Variants in KCNQ5 observed in about 807,000 individuals in gnomAD.
KCNQ5 encodes potassium voltage-gated channel subfamily KQT member 5.
KCNQ5 carries 30 observed loss-of-function variants against 98.2 expected under a neutral mutation model. The observed-to-expected ratio is 0.31, with a 90% CI of 0.23 to 0.41. The LOEUF is 0.41. KCNQ5 is among the 10% of genes least tolerant of loss of function. The probability of loss-of-function intolerance (pLI) is 1.00; values close to 1 mark genes in which losing one functional copy is unlikely to be tolerated. For synonymous variants in KCNQ5, 458 were observed against 449.4 expected, an observed-to-expected ratio of 1.02 and a Z score of -0.24; for missense variants, 835 against 1,182.5, an observed-to-expected ratio of 0.71 and a Z score of 4.31.
intron 5 of KCNQ5, among the ~76,000 whole-genome samples, chr6:73,095,245 A>G (rs1270422133): frequency 6.6e-6 from 1 of 152,126 alleles, no homozygotes; most frequent in African/African-American, 2.4e-5. Flanking sequence ...TTGCATTTCT[A>G]TAAGGGTGTC....
chr6:72,978,530 G>A (rs1768268709), intron 1 of KCNQ5, among the ~76,000 whole-genome samples: 1 of 152,078 alleles, frequency 6.6e-6, no homozygotes, highest in African/African-American at 2.4e-5. Context: ...CTTCTGATAG[G>A]GACTCAGTGA....
chr6:72,738,720 CA>C (rs909047687), intron 1 of KCNQ5, among the ~76,000 whole-genome samples: 1 of 150,530 alleles, frequency 6.6e-6, no homozygotes, highest in African/African-American at 2.4e-5. Flanking sequence ...TTATTCAGGG[CA>C]AAAAAAATAA....
intron 1 of KCNQ5, among the ~76,000 whole-genome samples, chr6:72,693,314 T>C (rs901161505): frequency 6.6e-6 from 1 of 152,018 alleles, no homozygotes; most frequent in African/African-American, 2.4e-5. Context: ...GGGAGCAAGA[T>C]GTGGAGAGAT....
At chr6:73,154,337 T>C (rs1777270820) in intron 10 of KCNQ5, among the ~76,000 whole-genome samples, 1 of 152,196 alleles carries the variant, frequency 6.6e-6, no homozygotes, top group Non-Finnish European at 1.5e-5. Context: ...TTTTACAATT[T>C]GTTGCTACAG....
chr6:72,856,467 T>TACACACAC (rs1176580825), intron 1 of KCNQ5, among the ~76,000 whole-genome samples: 1 of 58,228 alleles, frequency 1.7e-5, no homozygotes, highest in East Asian at 3.9e-4. Flanking sequence ...CACACACACA[T>TACACACAC]ATATACACAC....
chr6:73,140,628 C>A (rs1776666154), intron 10 of KCNQ5, among the ~76,000 whole-genome samples: 1 of 152,152 alleles, frequency 6.6e-6, no homozygotes, highest in African/African-American at 2.4e-5. Flanking sequence ...ATGTTAAGAA[C>A]AAAAGGATTT....
intron 10 of KCNQ5, among the ~76,000 whole-genome samples, chr6:73,151,523 T>C (rs555251632): frequency 8.9e-4 from 135 of 152,370 alleles, no homozygotes; most frequent in African/African-American, 3.1e-3. Flanking sequence ...ACTATGGTTG[T>C]TTCTTACCTT....
intron 1 of KCNQ5, among the ~76,000 whole-genome samples, chr6:72,676,416 G>T (rs950612486): frequency 6.6e-6 from 1 of 152,128 alleles, no homozygotes; most frequent in Non-Finnish European, 1.5e-5. Flanking sequence ...GTCAGAATAT[G>T]CTCAGGGCTG....
chr6:73,027,866 C>T (rs16883186), intron 2 of KCNQ5, among the ~76,000 whole-genome samples: 24,546 of 152,062 alleles, frequency 0.16, 3,144 homozygotes, highest in African/African-American at 0.36. Context: ...CCATATTTAC[C>T]ATGCAAACAA....
At chr6:73,151,980 C>A (rs2150481940) in intron 10 of KCNQ5, among the ~76,000 whole-genome samples, 1 of 152,324 alleles carries the variant, frequency 6.6e-6, no homozygotes, top group East Asian at 1.9e-4. Context: ...ACCTGACACA[C>A]TGCTTTCACA....
chr6:72,677,400 C>T lies in KCNQ5; in HGVS notation c.398+54813C>T, dbSNP rs550629394. 1.1e-4 allele frequency among the ~76,000 whole-genome samples: 16 copies of T among 152,162 alleles called. No homozygotes were observed. In the South Asian group the frequency reaches 2.9e-3, roughly 28 times the overall value. Reference sequence around the variant, plus strand: ...GAATGACATAAAATAACTTTTTGCCCCAGGGATCTTGCAGTAAAGATTATC... The same window carrying T: ...GAATGACATAAAATAACTTTTTGCCTCAGGGATCTTGCAGTAAAGATTATC... On this transcript the variant is annotated intron_variant, in intron 1 of 13. Transcript: ENST00000370398.
At chr6:72,985,099 G>T (rs1035985573) in intron 1 of KCNQ5, among the ~76,000 whole-genome samples, 5 of 152,304 alleles carry the variant, frequency 3.3e-5, no homozygotes, top group African/African-American at 1.2e-4. Flanking sequence ...CTAGATACTT[G>T]GGAGGCTGAA....
At chr6:72,961,483 G>A (rs1191864189) in intron 1 of KCNQ5, among the ~76,000 whole-genome samples, 1 of 152,058 alleles carries the variant, frequency 6.6e-6, no homozygotes, top group Non-Finnish European at 1.5e-5. Flanking sequence ...TTAGCCGGGC[G>A]TGGTGGCGGG....
Position 73,195,282 on chromosome 6 carries a change from AC to A in KCNQ5, c.2669del (p.Pro890ArgfsTer14). On this transcript the variant is annotated frameshift_variant, in exon 14 of 14. Transcript: ENST00000370398. LOFTEE classifies it high-confidence loss of function. The stretch of plus-strand genomic sequence containing the variant: ...CAGAGACAGACACTTTTGATGCCGC[AC>A]CGCAGCCTGCCAGGGAAGCTGCCTT... ...ETETDTFDAA[P>X]QPAREAAFAS... The A allele has an allele frequency of 6.2e-7, 1 of 1,614,186 alleles. No homozygotes were observed. The highest frequency in any genetic ancestry group is 8.5e-7 in the Non-Finnish European group (1 of 1,180,030).
chr6:73,166,413 G>A (rs896819533), intron 10 of KCNQ5, among the ~76,000 whole-genome samples: 1 of 150,310 alleles, frequency 6.7e-6, no homozygotes. Flanking sequence ...TTGAGCCTGG[G>A]TGACAGAGTG....
chr6:73,170,936 A>AAAAATAAAATAAAATAAAAT (rs149081545), intron 11 of KCNQ5, among the ~76,000 whole-genome samples: 1 of 151,978 alleles, frequency 6.6e-6, no homozygotes, highest in Non-Finnish European at 1.5e-5. Context: ...TCTGCCTCCA[A>AAAAATAAAATAAAATAAAAT]AAAATAAAAT....
chr6:72,941,395 C>G (rs919920327), intron 1 of KCNQ5, among the ~76,000 whole-genome samples: 8 of 92,470 alleles, frequency 8.7e-5, no homozygotes, highest in East Asian at 3.1e-4. Context: ...TTCCTTCCTC[C>G]TTTCCTCCTT....
In KCNQ5 at chr6:72,962,104, G is replaced by A. The variant is rs374099779; in HGVS notation, c.399-41804G>A. ...GAGGCAGGAGGATCGCTTGAGCCTG[G>A]GAGACAGAGTTTGCAGCGAGCCAAG... is the stretch of plus-strand genomic sequence containing the variant. On this transcript the variant is annotated intron_variant, in intron 1 of 13. Coordinates refer to ENST00000370398, the MANE Select transcript of KCNQ5 (RefSeq NM_019842.4). Among the ~76,000 whole-genome samples the A allele has an allele frequency of 1.5e-4, 23 of 150,842 alleles. No individual in the cohort carries two copies. The East Asian group carries it at 4.5e-3, about 29-fold the overall frequency.
rs576234682 is a variant in KCNQ5 at position 73,193,130 on chromosome 6, C to T, written c.1836+439C>T. ...CCGCCTCCTGGGTTCAAGTGATTCTCGTGCCTCAGCCTCCCAAGTAGATGG... is the reference window on the plus strand; with the variant it reads ...CCGCCTCCTGGGTTCAAGTGATTCTTGTGCCTCAGCCTCCCAAGTAGATGG... On this transcript the variant is annotated intron_variant, in intron 13 of 13. Coordinates refer to ENST00000370398, the MANE Select transcript of KCNQ5 (RefSeq NM_019842.4). 1.3e-4 allele frequency among the ~76,000 whole-genome samples: 19 copies of T among 150,472 alleles called. No individual in the cohort carries two copies. In the East Asian group the frequency reaches 3.6e-3, roughly 28 times the overall value.
Sources: allele counts gnomAD v4.1 joint callset (sites outside exome capture counted in the v4.1 genomes callset), GRCh38; gene constraint gnomAD v4.1.1; transcripts MANE v1.5; gene names NCBI Gene and HGNC (gene_info 2026-07-23, HGNC 2026-07-21).